The following SLCO4A1 variants were observed in gnomAD, a reference collection of about 807,000 sequenced individuals.
SLCO4A1 encodes the protein colon organic anion transporter.
A neutral mutation model predicts 64.6 loss-of-function variants in SLCO4A1; 51 were observed. The ratio of observed to expected loss-of-function variants is 0.79; its 90% CI spans 0.63 to 1.00. SLCO4A1 has a LOEUF of 1.00. Among genes scored for constraint, SLCO4A1 ranks in the 50% least tolerant of loss-of-function variants. SLCO4A1 has a pLI of 0.00. For synonymous variants in SLCO4A1, 471 were observed against 444.9 expected (o/e 1.06, Z -0.74); for missense variants, 919 against 980.5 (o/e 0.94, Z 0.84).
intron 5 of SLCO4A1, chr20:62,663,412 C>G (rs1236037526): frequency 6.6e-6 from 1 of 152,226 alleles, no homozygotes; most frequent in African/African-American, 2.4e-5. Flanking sequence ...CGACAGTCTG[C>G]TCTGGTGAGA....
At chr20:62,663,490 G>GCGGTGTGAGCAGAGGCT (rs1212164898) in intron 5 of SLCO4A1, 1 of 152,250 alleles carries the variant, frequency 6.6e-6, no homozygotes, top group Admixed American at 6.5e-5. Flanking sequence ...CAGCGACACT[G>GCGGTGTGAGCAGAGGCT]CGGTGTGAGC....
intron 5 of SLCO4A1, among the ~76,000 whole-genome samples, chr20:62,662,371 G>A (rs1985138417): frequency 6.6e-6 from 1 of 152,098 alleles, no homozygotes; most frequent in South Asian, 2.1e-4. Flanking sequence ...CCACCCAGCA[G>A]CAGAGCGGCT....
At chr20:62,674,990 G>A (rs889686901), downstream of SLCO4A1, among the ~76,000 whole-genome samples, 1 of 152,168 alleles carries the variant, frequency 6.6e-6, no homozygotes, top group Non-Finnish European at 1.5e-5. Context: ...CCGAGCTGAC[G>A]GAGGCTGTAG....
At position 62,667,857 on chromosome 20, in the gene SLCO4A1, C is replaced by G. The variant is rs753865485; in HGVS notation, c.1585C>G (p.Leu529Val). 1 of 1,613,764 alleles carries G rather than the reference C, an allele frequency of 6.2e-7. No individual in the cohort carries two copies. Among genetic ancestry groups the G allele is most frequent in the Non-Finnish European group, 8.5e-7 (1 of 1,180,042 alleles). Residue 529 changes from leucine to valine, a missense_variant, in exon 8 of 12, where the codon CTG becomes GTG. Physicochemically the swap from Leu to Val is conservative, Grantham distance 32. Transcript: ENST00000217159. ...CTCGGACGGCCTCATGTACTTCTCA[C>G]TGTGCCACGCAGGGTGCCCTGCAGC... is the stretch of plus-strand genomic sequence containing the variant. ...CGSDGLMYFSLCHAGCPAATE... is the reference protein window; with the variant it reads ...CGSDGLMYFSVCHAGCPAATE...
chr20:62,659,432 A>T (rs116852807), intron 3 of SLCO4A1, among the ~76,000 whole-genome samples: 4,060 of 152,262 alleles, frequency 0.027, 90 homozygotes, highest in Non-Finnish European at 0.042. Context: ...CTTTCTGCAG[A>T]TGGCGCCTCT....
chr20:62,686,000 T>C (rs1988047216), downstream of SLCO4A1, among the ~76,000 whole-genome samples: 1 of 152,142 alleles, frequency 6.6e-6, no homozygotes, highest in African/African-American at 2.4e-5. This position sits in a 1 kb window ranked among gnomAD's most constrained non-coding sequence, Gnocchi z 4.6. Flanking sequence ...TGAGAGCCGC[T>C]GAATTAGCAA....
chr20:62,642,629 C>T (rs1056182765), intron 1 of SLCO4A1, 76 bp downstream of exon 1: 5 of 165,216 alleles, frequency 3.0e-5, no homozygotes, highest in Admixed American at 6.5e-5. Context: ...CGGCAGGTGC[C>T]GCCATCGTGG....
intron 2 of SLCO4A1, among the ~76,000 whole-genome samples, chr20:62,682,499 A>C (rs542896146): frequency 6.6e-6 from 1 of 152,336 alleles, no homozygotes; most frequent in African/African-American, 2.4e-5. Flanking sequence ...CTGAGGGGAC[A>C]GATGAGCATG....
At position 62,644,606 on chromosome 20, in the gene SLCO4A1, G is replaced by T. The variant is rs1980990964; in HGVS notation, c.-97+2053G>T. On this transcript the variant is annotated intron_variant, in intron 1 of 11. Transcript: ENST00000217159. The surrounding 1 kb of genome is among the most constrained non-coding windows in gnomAD (Gnocchi z 5.4). ...AAGCCCCATTGCAGTTTTGGCTCCA[G>T]GTCGGTCTGACTTCCAAATGGCAAA... 6.6e-6 allele frequency among the ~76,000 whole-genome samples: 1 copy of T among 152,250 alleles called. No individual in the cohort carries two copies. Among genetic ancestry groups the T allele is most frequent in the Admixed American group, 6.5e-5 (1 of 15,288 alleles).
chr20:62,689,911 TGGAGCAGATGCGGG>T (rs1335118653), downstream of SLCO4A1, among the ~76,000 whole-genome samples: 7 of 152,064 alleles, frequency 4.6e-5, no homozygotes, highest in Non-Finnish European at 1.0e-4. Context: ...ATGAAAGGGG[TGGAGCAGATGCGGG>T]GGACCCGCGT....
intron 7 of SLCO4A1, among the ~76,000 whole-genome samples, chr20:62,666,945 C>T (rs1331285934): frequency 2.0e-5 from 3 of 152,190 alleles, no homozygotes; most frequent in Admixed American, 6.5e-5. Flanking sequence ...CTGGAGTTGC[C>T]ATGTGCTGGG....
intron 1 of SLCO4A1, among the ~76,000 whole-genome samples, chr20:62,655,724 G>T (rs1011440423): frequency 1.3e-5 from 2 of 152,228 alleles, no homozygotes; most frequent in African/African-American, 4.8e-5. Context: ...GCGGCCGGGG[G>T]TGTTTCCGGT....
chr20:62,681,446 GTA>G (rs1479840345), intron 2 of SLCO4A1, among the ~76,000 whole-genome samples: 3 of 148,922 alleles, frequency 2.0e-5, no homozygotes, highest in Admixed American at 6.8e-5. Context: ...TCGTGTGTGT[GTA>G]TTAAGCCGTG....
downstream of SLCO4A1, among the ~76,000 whole-genome samples, chr20:62,673,665 G>A (rs1569152589): frequency 6.9e-6 from 1 of 144,564 alleles, no homozygotes; most frequent in Non-Finnish European, 1.6e-5. Flanking sequence ...ACCCCGCATG[G>A]CCAGGAACTG....
Position 62,645,112 on chromosome 20 carries a change from C to A in SLCO4A1, c.-97+2559C>A, listed in dbSNP as rs911835712. Among the ~76,000 whole-genome samples the A allele has an allele frequency of 6.6e-6, 1 of 152,234 alleles. No homozygotes were observed. Among genetic ancestry groups the A allele is most frequent in the Non-Finnish European group, 1.5e-5 (1 of 68,036 alleles). ...TTCTGGGACATGGACCACTGTCTGG[C>A]CCCCCAGTGAGCTTGCTGAGTGTCA... On this transcript the variant is annotated intron_variant, in intron 1 of 11. Coordinates refer to ENST00000217159, the MANE Select transcript of SLCO4A1 (RefSeq NM_016354.4). The surrounding 1 kb of genome is among the most constrained non-coding windows in gnomAD (Gnocchi z 4.2).
At chr20:62,680,288 A>G (rs974666669) in intron 2 of SLCO4A1, among the ~76,000 whole-genome samples, 8 of 152,218 alleles carry the variant, frequency 5.3e-5, no homozygotes, top group African/African-American at 1.7e-4. Context: ...ATAAACAGCC[A>G]TGTCATCTGT....
chr20:62,668,638 C>A, intron 10 of SLCO4A1, 97 bp downstream of exon 10: 1 of 1,192,346 alleles, frequency 8.4e-7, no homozygotes, highest in Non-Finnish European at 1.2e-6. Flanking sequence ...ATGTGCTTCC[C>A]AGCAGGAGGC....
chr20:62,657,834 A>G lies in SLCO4A1; in HGVS notation c.796+584A>G, dbSNP rs575701189. ...AAAGACCGAGCAAATCTGGAGAGTC[A>G]GAACTTTAAGGGGAAAAATAACATG... On this transcript the variant is annotated intron_variant, in intron 2 of 11. Coordinates refer to ENST00000217159, the MANE Select transcript of SLCO4A1 (RefSeq NM_016354.4). Among the ~76,000 whole-genome samples the G allele has an allele frequency of 1.8e-3, 273 of 152,348 alleles. 2 individuals are homozygous for G. The highest frequency in any genetic ancestry group is 6.2e-3 in the African/African-American group (258 of 41,580).
chr20:62,675,663 G>A (rs1311720037), downstream of SLCO4A1, among the ~76,000 whole-genome samples: 1 of 152,212 alleles, frequency 6.6e-6, no homozygotes. Context: ...TCCTGGCCCT[G>A]CCACAGAGGC....
Sources: allele counts gnomAD v4.1 joint callset (sites outside exome capture counted in the v4.1 genomes callset), GRCh38; gene constraint gnomAD v4.1.1; non-coding constraint Gnocchi (gnomAD v3.1); transcripts MANE v1.5; gene names NCBI Gene and HGNC (gene_info 2026-07-23, HGNC 2026-07-21).